Variants in AIRE observed in about 807,000 individuals in gnomAD.
AIRE encodes autoimmune regulator, also known as autoimmune polyendocrinopathy candidiasis ectodermal dystrophy protein.
In AIRE, 52 loss-of-function variants were observed where a neutral mutation model predicts 62.1. That is an observed-to-expected ratio of 0.84 (90% CI 0.67 to 1.06). AIRE has a LOEUF of 1.06. Among genes scored for constraint, AIRE ranks in the 50% least tolerant of loss-of-function variants. The pLI is 0.00. For missense variants in AIRE, 774 were observed against 755.8 expected (o/e 1.02, Z -0.28); for synonymous variants, 342 against 321.6 (o/e 1.06, Z -0.68).
chr21:44,291,160 TC>T lies in AIRE; in HGVS notation c.946del (p.Arg316GlyfsTer62). On this transcript the variant is annotated frameshift_variant, in exon 8 of 14. Transcript: ENST00000291582. LOFTEE classifies it high-confidence loss of function. Reference protein sequence around the residue: ...GELICCDGCPRAFHLACLSPP... With the variant: ...GELICCDGCPXAFHLACLSPP... ...AGCTCATCTGCTGTGACGGCTGCCC[TC>T]GGGCCTTCCACCTGGCCTGCCTGTC... The T allele has an allele frequency of 1.2e-6, 2 of 1,609,362 alleles. No individual in the cohort carries two copies. The highest frequency in any genetic ancestry group is 1.7e-6 in the Non-Finnish European group (2 of 1,179,742).
Position 44,294,457 on chromosome 21 carries a change from G to A in AIRE, c.1457G>A (p.Gly486Glu), listed in dbSNP as rs768398162. The change falls in exon 12 of 14, where the codon GGG (glycine) becomes GAG (glutamate). Residue 486 changes from glycine to glutamate, a missense_variant. Physicochemically the swap from Gly to Glu is moderately conservative, Grantham distance 98. Coordinates refer to ENST00000291582, the MANE Select transcript of AIRE (RefSeq NM_000383.4). Reference protein sequence around the residue: ...SGDVTPAPVEGVLAPSPARLA... With the variant: ...SGDVTPAPVEEVLAPSPARLA... ...GACGTGACCCCAGCCCCTGTGGAGGGGGTGCTGGCCCCCAGCCCCGCCCGC... is the reference window on the plus strand; with the variant it reads ...GACGTGACCCCAGCCCCTGTGGAGGAGGTGCTGGCCCCCAGCCCCGCCCGC... 1.9e-6 allele frequency: 3 copies of A among 1,569,352 alleles called. No individual in the cohort carries two copies. The highest frequency in any genetic ancestry group is 1.8e-5 in the Admixed American group (1 of 56,308).
chr21:44,296,586 C>T (rs1389424608), intron 13 of AIRE, 141 bp downstream of exon 13: 1 of 816,142 alleles, frequency 1.2e-6, no homozygotes, highest in African/African-American at 1.7e-5. Context: ...CCTGCTCCAC[C>T]CACCAGGAGC....
rs541658189 is a variant in AIRE, at chr21:44,297,351, A to G, written c.1567-305A>G. ...AGCCACCCGAGGAGGCAGAACTGCC[A>G]TGAACTGCCATGGGGATGTGCCCTG... On this transcript the variant is annotated intron_variant, in intron 13 of 13. Transcript: ENST00000291582. The surrounding 1 kb of genome is among the most constrained non-coding windows in gnomAD (Gnocchi z 4.8). 6.8e-5 allele frequency among the ~76,000 whole-genome samples: 9 copies of G among 132,498 alleles called. No individual in the cohort carries two copies. In the South Asian group the frequency reaches 2.3e-3, roughly 35 times the overall value. The allele number at this position is 132,498 out of a possible 152,430, so 86.9% of individuals were successfully genotyped here.
intron 9 of AIRE, among the ~76,000 whole-genome samples, chr21:44,292,648 A>C (rs920689043): frequency 5.9e-5 from 9 of 152,118 alleles, no homozygotes; most frequent in African/African-American, 2.2e-4. Context: ...CCCGGGGGGC[A>C]CTATGAGCAT....
intron 6 of AIRE, 34 bp downstream of exon 6, chr21:44,289,836 C>A (rs1403650006): frequency 6.2e-7 from 1 of 1,611,826 alleles, no homozygotes; most frequent in South Asian, 1.1e-5. Flanking sequence ...GAGCCTGGCT[C>A]TTGATGCCCC....
In AIRE at chr21:44,293,195, C is replaced by G. The variant is rs1457453334; in HGVS notation, c.1278+20C>G. Reference sequence around the variant, plus strand: ...CAGCAGGTGAGCGGGGAGTGGGGGTCAGGGTGGGCTCTTCAAGGAGCCCAG... The same window carrying G: ...CAGCAGGTGAGCGGGGAGTGGGGGTGAGGGTGGGCTCTTCAAGGAGCCCAG... On this transcript the variant is annotated intron_variant, in intron 10 of 13. Transcript: ENST00000291582. 6.5e-7 allele frequency: 1 copy of G among 1,536,236 alleles called. No homozygotes were observed. The highest frequency in any genetic ancestry group is 2.0e-5 in the Admixed American group (1 of 50,648).
Position 44,286,820 on chromosome 21 carries a change from T to G in AIRE, c.307+89T>G, listed in dbSNP as rs1321433281. ...AGCTGGACTGGAACCGGAGTGGTGTTTGAGGAGCCCGTGGGTGATGTTCCA... is the reference window on the plus strand; with the variant it reads ...AGCTGGACTGGAACCGGAGTGGTGTGTGAGGAGCCCGTGGGTGATGTTCCA... On this transcript the variant is annotated intron_variant, in intron 2 of 13. Transcript: ENST00000291582. This position sits in a 1 kb window ranked among gnomAD's most constrained non-coding sequence, Gnocchi z 6.0. The G allele has an allele frequency of 6.4e-7, 1 of 1,573,542 alleles. No homozygotes were observed. The highest frequency in any genetic ancestry group is 2.2e-5 in the East Asian group (1 of 44,466).
Position 44,297,135 on chromosome 21 carries a change from C to T in AIRE, c.1567-521C>T, listed in dbSNP as rs1011914481. 6.6e-6 allele frequency among the ~76,000 whole-genome samples: 1 copy of T among 152,178 alleles called. No homozygotes were observed. The highest frequency in any genetic ancestry group is 2.4e-5 in the African/African-American group (1 of 41,442). On this transcript the variant is annotated intron_variant, in intron 13 of 13. Transcript: ENST00000291582. The surrounding 1 kb of genome is among the most constrained non-coding windows in gnomAD (Gnocchi z 4.8). ...CCTGAGAGTGGGCCAGGGGGCCCAGCGCTGGGTAATGGAGCTGCCCCTCTG... is the reference window on the plus strand; with the variant it reads ...CCTGAGAGTGGGCCAGGGGGCCCAGTGCTGGGTAATGGAGCTGCCCCTCTG...
chr21:44,289,498 C>G, intron 5 of AIRE, 159 bp from the exon 6 acceptor site: 1 of 745,312 alleles, frequency 1.3e-6, no homozygotes, highest in Non-Finnish European at 1.9e-6. Context: ...CCAGGACAAT[C>G]CCCGGGCCCC....
chr21:44,297,746 T>C lies in AIRE; in HGVS notation c.*19T>C, dbSNP rs201414491. 77 of 1,601,162 alleles carry C rather than the reference T, an allele frequency of 4.8e-5. No homozygotes were observed. Among genetic ancestry groups the C allele is most frequent in the Admixed American group, 6.7e-5 (4 of 59,968 alleles). On this transcript the variant is annotated 3_prime_UTR_variant, in exon 14 of 14. Coordinates refer to ENST00000291582, the MANE Select transcript of AIRE (RefSeq NM_000383.4). The surrounding 1 kb of genome is among the most constrained non-coding windows in gnomAD (Gnocchi z 4.8). The stretch of plus-strand genomic sequence containing the variant: ...CTCCTGACCCCAGATGGCCGGGACA[T>C]GCAGCTCTGATGAGAGAGTGCTGAG...
intron 8 of AIRE, among the ~76,000 whole-genome samples, chr21:44,291,882 G>A (rs757122996): frequency 8.5e-5 from 13 of 152,198 alleles, no homozygotes; most frequent in Non-Finnish European, 1.8e-4. Context: ...CACAGTGGGG[G>A]TCATTGCTCG....
rs1485542629 is a variant in AIRE, at chr21:44,285,975, C to T, written c.-32C>T. ...GCCAGTGTCCCGGGACCCACCGCGT[C>T]CGCCCCAGCCCCGGGTCCCCGCGCC... On this transcript the variant is annotated 5_prime_UTR_variant, in exon 1 of 14. Coordinates refer to ENST00000291582, the MANE Select transcript of AIRE (RefSeq NM_000383.4). 6.6e-6 allele frequency: 10 copies of T among 1,520,660 alleles called. No individual in the cohort carries two copies. The African/African-American group carries it at 1.3e-4, about 19-fold the overall frequency. 94.2% of individuals were successfully genotyped at this position (1,520,660 alleles called of 1,614,324 possible).
intron 10 of AIRE, among the ~76,000 whole-genome samples, chr21:44,293,431 C>G (rs1208736243): frequency 6.6e-6 from 1 of 152,058 alleles, no homozygotes; most frequent in Non-Finnish European, 1.5e-5. Flanking sequence ...TGTCCCAGCA[C>G]ACGTGGGAGC....
chr21:44,288,909 G>T, intron 5 of AIRE: 1 of 187,616 alleles, frequency 5.3e-6, no homozygotes, highest in Non-Finnish European at 1.1e-5. Flanking sequence ...CTGACCCCAT[G>T]CAATCACCAG....
chr21:44,286,964 C>A lies in AIRE; in HGVS notation c.308-14C>A, dbSNP rs1228587111. On this transcript the variant is annotated splice_polypyrimidine_tract_variant and intron_variant, in intron 2 of 13. Transcript: ENST00000291582. This position sits in a 1 kb window ranked among gnomAD's most constrained non-coding sequence, Gnocchi z 6.0. ...CCCTGAGGTTGGGACCCTGCTCCTGCCCCTGAGCTGCAGATGTGGACCTCA... is the reference window on the plus strand; with the variant it reads ...CCCTGAGGTTGGGACCCTGCTCCTGACCCTGAGCTGCAGATGTGGACCTCA... 2 of 1,612,660 alleles carry A rather than the reference C, an allele frequency of 1.2e-6. No homozygotes were observed. The highest frequency in any genetic ancestry group is 2.2e-5 in the East Asian group (1 of 44,890).
In AIRE at chr21:44,287,235, G is replaced by A; in HGVS notation, c.463+102G>A. The A allele has an allele frequency of 7.0e-7, 1 of 1,438,600 alleles. No individual in the cohort carries two copies. The highest frequency in any genetic ancestry group is 2.4e-5 in the East Asian group (1 of 41,620). The allele number at this position is 1,438,600 out of a possible 1,614,324, so 89.1% of individuals were successfully genotyped here. A position where few individuals can be genotyped will look rare whatever the true frequency, so the allele number is the denominator to read the frequency against. On this transcript the variant is annotated intron_variant, in intron 3 of 13. Coordinates refer to ENST00000291582, the MANE Select transcript of AIRE (RefSeq NM_000383.4). The surrounding 1 kb of genome is among the most constrained non-coding windows in gnomAD (Gnocchi z 4.3). ...ACCCGGGCTCCCACCCACTGGGTGT[G>A]GGGCCAGCCTGCCTGGGGCTGTGGG...
chr21:44,290,772 T>TG, intron 7 of AIRE: 4 of 1,471,102 alleles, frequency 2.7e-6, no homozygotes, highest in Non-Finnish European at 2.8e-6. Flanking sequence ...GAGACCTCCC[T>TG]GGGCCTGGCC....
rs1555871766 is a variant in AIRE, at chr21:44,285,977, GCCCCAGCCCCGGGTCCCCGCGCCCA to G, written c.-24_1del. Reference sequence around the variant, plus strand: ...CAGTGTCCCGGGACCCACCGCGTCCGCCCCAGCCCCGGGTCCCCGCGCCCACCCCATGGCGACGGACGCGGCGCTA... The same window carrying G: ...CAGTGTCCCGGGACCCACCGCGTCCGCCCCATGGCGACGGACGCGGCGCTA... On this transcript the variant is annotated 5_prime_UTR_variant, in exon 1 of 14. Coordinates refer to ENST00000291582, the MANE Select transcript of AIRE (RefSeq NM_000383.4). The G allele has an allele frequency of 2.6e-6, 4 of 1,520,852 alleles. No homozygotes were observed. The highest frequency in any genetic ancestry group is 3.5e-6 in the Non-Finnish European group (4 of 1,139,280). 94.2% of individuals were successfully genotyped at this position (1,520,852 alleles called of 1,614,324 possible). A position where few individuals can be genotyped will look rare whatever the true frequency, so the allele number is the denominator to read the frequency against.
rs1471115404 is a variant in AIRE, at chr21:44,292,990, C to T, written c.1096-3C>T. Reference sequence around the variant, plus strand: ...CCCTCTGATGCTGACCCTTGGGTTCCAGCTCCCCCCGGGGCTTAGGTCGGC... The same window carrying T: ...CCCTCTGATGCTGACCCTTGGGTTCTAGCTCCCCCCGGGGCTTAGGTCGGC... On this transcript the variant is annotated splice_region_variant and splice_polypyrimidine_tract_variant and intron_variant, in intron 9 of 13. Coordinates refer to ENST00000291582, the MANE Select transcript of AIRE (RefSeq NM_000383.4). The T allele has an allele frequency of 1.9e-6, 3 of 1,612,202 alleles. No homozygotes were observed. The highest frequency in any genetic ancestry group is 2.5e-6 in the Non-Finnish European group (3 of 1,179,722).
Sources: gnomAD v4.1 joint callset for allele counts (sites outside exome capture counted in the v4.1 genomes callset) on GRCh38, gnomAD v4.1.1 for gene constraint, Gnocchi (gnomAD v3.1) non-coding constraint, MANE v1.5 for transcripts, NCBI Gene and HGNC (gene_info 2026-07-23, HGNC 2026-07-21) for gene names.